ICA1L: variants seen among roughly 807,000 people sequenced by gnomAD.
ICA1L encodes islet cell autoantigen 1-like protein.
In ICA1L, 50 loss-of-function variants were observed where a neutral mutation model predicts 61.3. The ratio of observed to expected loss-of-function variants is 0.82; its 90% CI spans 0.65 to 1.03. ICA1L has a LOEUF of 1.03. Among genes scored for constraint, ICA1L ranks in the 50% least tolerant of loss-of-function variants. The pLI is 0.00. For missense variants in ICA1L, 508 were observed against 556.7 expected (o/e 0.91, Z 0.88); for synonymous variants, 161 against 191.3 (o/e 0.84, Z 1.31).
intron 9 of ICA1L, among the ~76,000 whole-genome samples, chr2:202,809,175 A>T (rs1021452382): frequency 6.6e-6 from 1 of 152,134 alleles, no homozygotes; most frequent in East Asian, 1.9e-4. Flanking sequence ...GAATCCTATC[A>T]GGTAAACTTA....
chr2:202,836,216 C>A (rs1166864072), intron 1 of ICA1L, among the ~76,000 whole-genome samples: 1 of 152,162 alleles, frequency 6.6e-6, no homozygotes, highest in Non-Finnish European at 1.5e-5. Flanking sequence ...TTGAGTGTTT[C>A]TGTCATGAAA....
At chr2:202,788,387 C>G (rs996465874) in intron 11 of ICA1L, among the ~76,000 whole-genome samples, 1 of 152,086 alleles carries the variant, frequency 6.6e-6, no homozygotes, top group African/African-American at 2.4e-5. Flanking sequence ...AAGTGACCCC[C>G]AAGGTGCAGG....
At chr2:202,815,364 A>C (rs185599013) in intron 7 of ICA1L, among the ~76,000 whole-genome samples, 122 of 152,308 alleles carry the variant, frequency 8.0e-4, no homozygotes, top group African/African-American at 2.8e-3. Flanking sequence ...CAACACTTTC[A>C]AGCTTTACTG....
intron 1 of ICA1L, among the ~76,000 whole-genome samples, chr2:202,832,415 G>A (rs1235936320): frequency 8.1e-5 from 10 of 123,448 alleles, no homozygotes; most frequent in African/African-American, 2.8e-4. Context: ...CAGCCTGGTC[G>A]ACAGAGTGAG....
chr2:202,815,771 T>C (rs1157414431), intron 7 of ICA1L, 140 bp downstream of exon 7: 9 of 473,422 alleles, frequency 1.9e-5, no homozygotes, highest in Non-Finnish European at 2.9e-5. Context: ...AGGAAAGTGC[T>C]GACCCTTGGC....
intron 3 of ICA1L, among the ~76,000 whole-genome samples, chr2:202,823,761 CCA>C (rs1693761238): frequency 6.6e-6 from 1 of 152,312 alleles, no homozygotes; most frequent in Admixed American, 6.5e-5. Context: ...TTACTCTAAT[CCA>C]CAGTTATTCT....
intron 12 of ICA1L, among the ~76,000 whole-genome samples, chr2:202,782,067 C>A (rs1023125652): frequency 6.6e-6 from 1 of 151,954 alleles, no homozygotes; most frequent in Non-Finnish European, 1.5e-5. Flanking sequence ...ATTTTATGGC[C>A]GGACATGGTG....
At chr2:202,795,872 T>C (rs1260157754) in intron 10 of ICA1L, among the ~76,000 whole-genome samples, 1 of 151,330 alleles carries the variant, frequency 6.6e-6, no homozygotes, top group Admixed American at 6.6e-5. Context: ...TGAAACCCCA[T>C]CTCTACTAAA....
chr2:202,837,432 T>C (rs956459945), intron 1 of ICA1L, among the ~76,000 whole-genome samples: 10 of 151,890 alleles, frequency 6.6e-5, no homozygotes, highest in South Asian at 2.1e-4. Flanking sequence ...TACAGGCGCC[T>C]GCCACCACAC....
intron 7 of ICA1L, among the ~76,000 whole-genome samples, chr2:202,815,642 A>G (rs1253088726): frequency 6.6e-6 from 1 of 150,978 alleles, no homozygotes; most frequent in African/African-American, 2.4e-5. Context: ...TTACTTTTAA[A>G]TTTTTTTCAT....
At chr2:202,844,391 A>G (rs1313793346) in intron 1 of ICA1L, 14 of 152,178 alleles carry the variant, frequency 9.2e-5, no homozygotes, top group Non-Finnish European at 2.9e-5. Flanking sequence ...ATCTATAAAA[A>G]AAGAAAATTA....
chr2:202,797,012 C>G (rs1393709016), intron 9 of ICA1L, 48 bp from the exon 10 acceptor site: 1 of 1,300,020 alleles, frequency 7.7e-7, no homozygotes, highest in Non-Finnish European at 1.1e-6. Flanking sequence ...AGAAATTCAG[C>G]AAGCTTATTT....
intron 5 of ICA1L, 168 bp downstream of exon 5, chr2:202,819,533 A>C (rs1008264155): frequency 1.6e-6 from 1 of 607,168 alleles, no homozygotes; most frequent in African/African-American, 1.9e-5. Context: ...AGGAGTAAAA[A>C]TAAAAGTGTG....
chr2:202,869,544 G>A (rs1687634828), intron 1 of ICA1L: 1 of 151,972 alleles, frequency 6.6e-6, no homozygotes. Flanking sequence ...ACCTGATAAC[G>A]GATGGGTGGG....
At chr2:202,850,134 C>G (rs577082059) in intron 1 of ICA1L, among the ~76,000 whole-genome samples, 1 of 152,048 alleles carries the variant, frequency 6.6e-6, no homozygotes, top group African/African-American at 2.4e-5. Flanking sequence ...AAACCCCATC[C>G]AAAGGTCATC....
rs1307993544 is a variant in ICA1L at position 202,775,968 on chromosome 2, C to CT, written c.*3564dup. Reference sequence around the variant, plus strand: ...TACTAAAAACTTCAGGAAACAAACTCTTGTTTTATGCCTTCTTGCAATCTT... The same window carrying CT: ...TACTAAAAACTTCAGGAAACAAACTCTTTGTTTTATGCCTTCTTGCAATCTT... On this transcript the variant is annotated 3_prime_UTR_variant, in exon 13 of 13. Coordinates refer to ENST00000358299, the MANE Select transcript of ICA1L (RefSeq NM_001288622.3). 6.6e-6 allele frequency: 1 copy of CT among 152,180 alleles called. No homozygotes were observed. Among genetic ancestry groups the CT allele is most frequent in the Non-Finnish European group, 1.5e-5 (1 of 68,022 alleles). The allele number at this position is 152,180 out of a possible 1,614,324, so 9.4% of individuals were successfully genotyped here.
rs2105879568 is a variant in ICA1L, at chr2:202,849,809, C to T, written c.-7-20793G>A. Reference sequence around the variant, plus strand: ...CAATTGAGCTCTGCTAGGGGACAGACAGCCTCCTCAAGTGGGTCCCAGACC... The same window carrying T: ...CAATTGAGCTCTGCTAGGGGACAGATAGCCTCCTCAAGTGGGTCCCAGACC... On this transcript the variant is annotated intron_variant, in intron 1 of 12. Coordinates refer to ENST00000358299, the MANE Select transcript of ICA1L (RefSeq NM_001288622.3). The surrounding 1 kb of genome is among the most constrained non-coding windows in gnomAD (Gnocchi z 4.5). Among the ~76,000 whole-genome samples the T allele has an allele frequency of 6.6e-6, 1 of 152,318 alleles. No homozygotes were observed. Among genetic ancestry groups the T allele is most frequent in the East Asian group, 1.9e-4 (1 of 5,170 alleles).
chr2:202,850,869 A>C (rs1401333778), intron 1 of ICA1L, among the ~76,000 whole-genome samples: 1 of 152,206 alleles, frequency 6.6e-6, no homozygotes, highest in African/African-American at 2.4e-5. Context: ...GAAGGAAAAA[A>C]TGTTAAGGGG....
intron 1 of ICA1L, among the ~76,000 whole-genome samples, chr2:202,842,447 A>G (rs1315744199): frequency 6.6e-6 from 1 of 151,878 alleles, no homozygotes; most frequent in Admixed American, 6.6e-5. Flanking sequence ...TGACAGTTTT[A>G]TTTTTTCCTT....
Sources: gnomAD v4.1 joint callset for allele counts (sites outside exome capture counted in the v4.1 genomes callset) on GRCh38, gnomAD v4.1.1 for gene constraint, Gnocchi (gnomAD v3.1) non-coding constraint, MANE v1.5 for transcripts, NCBI Gene and HGNC (gene_info 2026-07-23, HGNC 2026-07-21) for gene names.